Variants in GANC observed in about 807,000 individuals in gnomAD.
GANC encodes the protein neutral alpha-glucosidase C.
GANC carries 117 observed loss-of-function variants against 124.2 expected under a neutral mutation model. The ratio of observed to expected loss-of-function variants is 0.94; its 90% confidence interval spans 0.81 to 1.10. The LOEUF (loss-of-function observed/expected upper bound fraction) is 1.10, where lower values mean the gene tolerates loss of function less well. Among genes scored for constraint, GANC ranks in the 50% least tolerant of loss-of-function variants. The pLI is 0.00. For synonymous variants in GANC, 377 were observed against 376.8 expected (o/e 1.00, Z -0.01); for missense variants, 1,140 against 1,095.0 (o/e 1.04, Z -0.58).
At chr15:42,323,096 A>T (rs1385455076) in intron 11 of GANC, among the ~76,000 whole-genome samples, 1 of 152,200 alleles carries the variant, frequency 6.6e-6, no homozygotes, top group African/African-American at 2.4e-5. Context: ...CCATCCAGCG[A>T]TGACAAAACT....
At chr15:42,289,556 G>T (rs2051821990) in intron 4 of GANC, among the ~76,000 whole-genome samples, 1 of 152,110 alleles carries the variant, frequency 6.6e-6, no homozygotes, top group African/African-American at 2.4e-5. Context: ...GCTTAAAATA[G>T]CCAGAGTTGT....
At chr15:42,291,761 C>T (rs1453675285) in intron 4 of GANC, among the ~76,000 whole-genome samples, 2 of 152,096 alleles carry the variant, frequency 1.3e-5, no homozygotes, top group African/African-American at 2.4e-5. Flanking sequence ...AATGGTTTAA[C>T]GCTTGGGGCA....
intron 19 of GANC, 38 bp from the exon 20 acceptor site, chr15:42,345,720 T>G (rs781115727): frequency 2.5e-5 from 32 of 1,284,206 alleles, no homozygotes; most frequent in African/African-American, 2.2e-4. Context: ...GCAGAGTTGC[T>G]TATGTACTCT....
intron 20 of GANC, 65 bp from the exon 21 acceptor site, chr15:42,348,038 T>G: frequency 2.1e-6 from 2 of 932,788 alleles, no homozygotes; most frequent in Non-Finnish European, 3.2e-6. Flanking sequence ...TGAAATATTT[T>G]TAAATTCTAC....
chr15:42,295,604 G>C (rs375375376), intron 5 of GANC, among the ~76,000 whole-genome samples: 147 of 149,332 alleles, frequency 9.8e-4, no homozygotes, highest in African/African-American at 3.5e-3. Context: ...ATTCTACTCA[G>C]AAAGCAACAC....
At chr15:42,320,811 G>C (rs1042662260) in intron 10 of GANC, among the ~76,000 whole-genome samples, 1 of 152,116 alleles carries the variant, frequency 6.6e-6, no homozygotes, top group Non-Finnish European at 1.5e-5. Flanking sequence ...AGTTTTGAGA[G>C]TGGGCATGTC....
chr15:42,283,838 C>T, intron 3 of GANC: 1 of 702,602 alleles, frequency 1.4e-6, no homozygotes, highest in Non-Finnish European at 2.6e-6. Context: ...AATTTGGGAA[C>T]TGGCCAGACA....
chr15:42,316,581 T>A (rs1462824181), intron 10 of GANC, among the ~76,000 whole-genome samples: 3 of 152,210 alleles, frequency 2.0e-5, no homozygotes, highest in Non-Finnish European at 4.4e-5. Context: ...TCTACCGCTA[T>A]CTACTATGAA....
intron 6 of GANC, among the ~76,000 whole-genome samples, chr15:42,302,045 G>A (rs1290661915): frequency 1.3e-5 from 2 of 152,210 alleles, no homozygotes; most frequent in Admixed American, 1.3e-4. Flanking sequence ...TGACCCCCAT[G>A]CCTCCTGACT....
intron 5 of GANC, among the ~76,000 whole-genome samples, chr15:42,295,345 C>G (rs931712399): frequency 6.6e-6 from 1 of 151,918 alleles, no homozygotes; most frequent in Admixed American, 6.6e-5. Flanking sequence ...CCATGATTTA[C>G]ATTTATATTT....
At chr15:42,295,639 GACACACACACAC>G (rs60220273) in intron 5 of GANC, among the ~76,000 whole-genome samples, 2,973 of 137,644 alleles carry the variant, frequency 0.022, 42 homozygotes, top group South Asian at 0.047. Flanking sequence ...CTTTATTATA[GACACACACACAC>G]ACACACACAC....
intron 10 of GANC, among the ~76,000 whole-genome samples, chr15:42,319,262 G>A (rs2141054286): frequency 6.6e-6 from 1 of 152,064 alleles, no homozygotes; most frequent in East Asian, 1.9e-4. Flanking sequence ...AAATTTGCTG[G>A]TAACATAATT....
chr15:42,342,012 T>C (rs2052332155), intron 18 of GANC, among the ~76,000 whole-genome samples: 1 of 152,190 alleles, frequency 6.6e-6, no homozygotes, highest in South Asian at 2.1e-4. Flanking sequence ...TAACTTTCAT[T>C]CCATTTTGTA....
At chr15:42,294,901 T>C (rs961708179) in intron 5 of GANC, among the ~76,000 whole-genome samples, 3 of 151,364 alleles carry the variant, frequency 2.0e-5, no homozygotes, top group African/African-American at 7.4e-5. Flanking sequence ...TCATTGTGCA[T>C]ATATACAAGT....
chr15:42,288,912 A>G (rs185887732), intron 4 of GANC, among the ~76,000 whole-genome samples: 159 of 152,276 alleles, frequency 1.0e-3, no homozygotes, highest in Non-Finnish European at 1.4e-3. Context: ...TGGCCACAGT[A>G]TGTTATTTTC....
At chr15:42,284,239 A>G in intron 3 of GANC, 1 of 555,936 alleles carries the variant, frequency 1.8e-6, no homozygotes, top group Non-Finnish European at 3.2e-6. Flanking sequence ...TAATTCTATT[A>G]TGGTCTTTAC....
Position 42,273,208 on chromosome 15 carries a change from C to T in GANC, c.-1274C>T, listed in dbSNP as rs1303072560. The T allele has an allele frequency of 3.1e-6, 5 of 1,608,908 alleles. No homozygotes were observed. Among genetic ancestry groups the T allele is most frequent in the Admixed American group, 3.3e-5 (2 of 59,902 alleles). On this transcript the variant is annotated 5_prime_UTR_variant, in exon 1 of 24. Transcript: ENST00000318010. ...TGGACCCCTTGGGCCGCCGTAGCCC[C>T]ACCCCTTGCTCCTCTAGGTTCAGAC... is the stretch of plus-strand genomic sequence containing the variant.
chr15:42,307,137 G>T (rs185332687), intron 7 of GANC, among the ~76,000 whole-genome samples: 1 of 152,120 alleles, frequency 6.6e-6, no homozygotes, highest in African/African-American at 2.4e-5. Flanking sequence ...GGCTTATGCA[G>T]TTAGAAAAAT....
chr15:42,348,961 A>G (rs967175978), intron 21 of GANC, among the ~76,000 whole-genome samples: 15 of 152,360 alleles, frequency 9.8e-5, no homozygotes, highest in Non-Finnish European at 1.8e-4. Flanking sequence ...ATAAAAATAA[A>G]TTTAAAAAAA....
Sources: gnomAD v4.1 joint callset for allele counts (sites outside exome capture counted in the v4.1 genomes callset) on GRCh38, gnomAD v4.1.1 for gene constraint, MANE v1.5 for transcripts, NCBI Gene and HGNC (gene_info 2026-07-23, HGNC 2026-07-21) for gene names.